Variants in RNF180 observed in about 807,000 individuals in gnomAD.
RNF180 encodes E3 ubiquitin-protein ligase RNF180.
Under a neutral mutation model 59.2 loss-of-function variants are expected in RNF180, and 38 were observed. The ratio of observed to expected loss-of-function variants is 0.64; its 90% CI spans 0.50 to 0.84. The LOEUF is 0.84. RNF180 is among the 40% of genes least tolerant of loss of function. The probability of loss-of-function intolerance (pLI) is 0.00; values close to 1 mark genes in which losing one functional copy is unlikely to be tolerated. For missense variants in RNF180, 705 were observed against 700.9 expected (o/e 1.01, Z -0.07); for synonymous variants, 262 against 240.3 (o/e 1.09, Z -0.84).
intron 7 of RNF180, among the ~76,000 whole-genome samples, chr5:64,358,785 T>TC (rs1048074199): frequency 1.0e-5 from 1 of 99,522 alleles, no homozygotes; most frequent in Non-Finnish European, 1.9e-5. Flanking sequence ...ATGCTATCCC[T>TC]CCCCCCACCC....
chr5:64,263,048 G>C (rs1263469929), intron 5 of RNF180, among the ~76,000 whole-genome samples: 1 of 152,174 alleles, frequency 6.6e-6, no homozygotes, highest in Admixed American at 6.6e-5. Flanking sequence ...TTAGAAATAA[G>C]TCCTGGCCCT....
At chr5:64,213,458 C>T in intron 3 of RNF180, 100 bp from the exon 4 acceptor site, 1 of 990,362 alleles carries the variant, frequency 1.0e-6, no homozygotes, top group Non-Finnish European at 1.5e-6. Context: ...TTTTCTGTGG[C>T]ATAGAAAACT....
At chr5:64,195,756 C>G (rs144156765) in intron 1 of RNF180, among the ~76,000 whole-genome samples, 139 of 152,284 alleles carry the variant, frequency 9.1e-4, no homozygotes, top group African/African-American at 3.2e-3. Context: ...GATCAATATT[C>G]ACCCAGTTAT....
At chr5:64,201,453 A>G (rs963108074) in intron 2 of RNF180, among the ~76,000 whole-genome samples, 4 of 152,204 alleles carry the variant, frequency 2.6e-5, no homozygotes, top group Non-Finnish European at 4.4e-5. Flanking sequence ...GTGTTTTTAA[A>G]CAACAAAAAT....
intron 5 of RNF180, among the ~76,000 whole-genome samples, chr5:64,252,001 T>C (rs1032430122): frequency 1.3e-5 from 2 of 152,140 alleles, no homozygotes; most frequent in Admixed American, 1.3e-4. Context: ...GTCCATGCTA[T>C]ACAGAGTGTT....
At chr5:64,221,927 C>T (rs948632935) in intron 5 of RNF180, among the ~76,000 whole-genome samples, 9 of 152,156 alleles carry the variant, frequency 5.9e-5, no homozygotes, top group African/African-American at 2.2e-4. Context: ...GAACCAATAT[C>T]AATACATTAT....
intron 2 of RNF180, among the ~76,000 whole-genome samples, chr5:64,208,889 G>A (rs987037373): frequency 6.6e-6 from 1 of 151,794 alleles, no homozygotes; most frequent in African/African-American, 2.4e-5. Flanking sequence ...GGGTTGAGGG[G>A]TACAAAAGGA....
intron 7 of RNF180, among the ~76,000 whole-genome samples, chr5:64,336,969 A>G (rs754609685): frequency 4.0e-5 from 6 of 149,880 alleles, no homozygotes; most frequent in Non-Finnish European, 8.9e-5. Flanking sequence ...CCCAGACCAC[A>G]GAGGTTTTCA....
chr5:64,228,915 CTTTTTTT>C (rs373212886), intron 5 of RNF180, among the ~76,000 whole-genome samples: 1 of 98,490 alleles, frequency 1.0e-5, no homozygotes, highest in African/African-American at 4.2e-5. Flanking sequence ...TCTATTACTG[CTTTTTTT>C]TTTTTTTTTT....
chr5:64,190,350 A>G lies in RNF180; in HGVS notation c.1-10458A>G, dbSNP rs117507642. Among the ~76,000 whole-genome samples the G allele has an allele frequency of 8.5e-5, 13 of 152,330 alleles. No individual in the cohort carries two copies. In the East Asian group the frequency reaches 2.5e-3, roughly 29 times the overall value. On this transcript the variant is annotated intron_variant, in intron 1 of 7. Coordinates refer to ENST00000389100, the MANE Select transcript of RNF180 (RefSeq NM_001113561.2). ...TGTGCCACCATTGTATTTTAGAAGCATATACATTGCATGCTTTCACAGTTT... is the reference window on the plus strand; with the variant it reads ...TGTGCCACCATTGTATTTTAGAAGCGTATACATTGCATGCTTTCACAGTTT...
At chr5:64,356,710 T>A (rs538895786) in intron 7 of RNF180, among the ~76,000 whole-genome samples, 14 of 151,952 alleles carry the variant, frequency 9.2e-5, no homozygotes, top group African/African-American at 2.9e-4. Flanking sequence ...GCAATATGGA[T>A]GAACCTTGAA....
rs3069547 is a variant in RNF180 at position 64,301,701 on chromosome 5, A to ATG, written c.1228-23463_1228-23462dup. Among the ~76,000 whole-genome samples, 1,128 of 148,692 alleles carry ATG rather than the reference A, an allele frequency of 7.6e-3. 4 individuals carry two copies. The highest frequency in any genetic ancestry group is 0.014 in the African/African-American group (562 of 40,742). On this transcript the variant is annotated intron_variant, in intron 5 of 7. Coordinates refer to ENST00000389100, the MANE Select transcript of RNF180 (RefSeq NM_001113561.2). ...TATATTTGTTGTATGCCACATCAGA[A>ATG]TGTGTGTGTGTGTGTGTGTGTGTAT...
intron 1 of RNF180, among the ~76,000 whole-genome samples, chr5:64,178,305 C>G (rs944333016): frequency 6.6e-6 from 1 of 152,068 alleles, no homozygotes; most frequent in Admixed American, 6.6e-5. Flanking sequence ...CCCAGCCTCA[C>G]GCTTTTCCAG....
intron 5 of RNF180, among the ~76,000 whole-genome samples, chr5:64,306,859 G>C (rs1743494643): frequency 6.6e-6 from 1 of 151,324 alleles, no homozygotes; most frequent in Non-Finnish European, 1.5e-5. Flanking sequence ...AGCATTAGGA[G>C]ATATACCTAA....
intron 7 of RNF180, among the ~76,000 whole-genome samples, chr5:64,362,625 G>A (rs779338577): frequency 2.6e-5 from 4 of 151,788 alleles, no homozygotes; most frequent in East Asian, 2.0e-4. Flanking sequence ...TGCTGGGGTC[G>A]AATGGTAGTT....
chr5:64,271,972 A>G (rs543191512), intron 5 of RNF180, among the ~76,000 whole-genome samples: 1 of 152,236 alleles, frequency 6.6e-6, no homozygotes, highest in African/African-American at 2.4e-5. Context: ...CAGTAAATTT[A>G]GAATATATAA....
chr5:64,233,678 A>G (rs1453709808), intron 5 of RNF180, among the ~76,000 whole-genome samples: 2 of 152,192 alleles, frequency 1.3e-5, no homozygotes, highest in Non-Finnish European at 2.9e-5. Context: ...GTGCCCATGG[A>G]GTAGCCATTG....
chr5:64,230,227 A>AT (rs1300185799), intron 5 of RNF180, among the ~76,000 whole-genome samples: 1 of 152,234 alleles, frequency 6.6e-6, no homozygotes, highest in African/African-American at 2.4e-5. Context: ...CTTTGATACT[A>AT]TGTTCATTTG....
chr5:64,315,071 A>G (rs1743968856), intron 5 of RNF180, among the ~76,000 whole-genome samples: 1 of 152,190 alleles, frequency 6.6e-6, no homozygotes. Context: ...AACATCATGC[A>G]TTAGACATTT....
Sources: allele counts gnomAD v4.1 joint callset (sites outside exome capture counted in the v4.1 genomes callset), GRCh38; gene constraint gnomAD v4.1.1; transcripts MANE v1.5; gene names NCBI Gene and HGNC (gene_info 2026-07-23, HGNC 2026-07-21).